Variants in RABGAP1L observed in about 807,000 individuals in gnomAD.
RABGAP1L encodes the protein RAB GTPase activating protein 1 like.
RABGAP1L carries 63 observed loss-of-function variants against 137.7 expected under a neutral mutation model. The ratio of observed to expected loss-of-function variants is 0.46; its 90% CI spans 0.37 to 0.56. The LOEUF (loss-of-function observed/expected upper bound fraction) is 0.56, where lower values mean the gene tolerates loss of function less well. Among genes scored for constraint, RABGAP1L ranks in the 20% least tolerant of loss-of-function variants. The pLI, the probability that RABGAP1L is intolerant of heterozygous loss-of-function variation, is 0.00. For synonymous variants in RABGAP1L, 431 were observed against 433.7 expected, an observed-to-expected ratio of 0.99 and a Z score of 0.08; for missense variants, 1,095 against 1,244.0, an observed-to-expected ratio of 0.88 and a Z score of 1.80.
chr1:174,890,079 A>T (rs1161200781), intron 19 of RABGAP1L, among the ~76,000 whole-genome samples: 3 of 152,202 alleles, frequency 2.0e-5, no homozygotes, highest in Non-Finnish European at 4.4e-5. Context: ...CGAACAAAAA[A>T]ATGCAGTGAT....
chr1:174,617,721 CAT>C (rs1264458242), intron 13 of RABGAP1L, among the ~76,000 whole-genome samples: 1 of 152,146 alleles, frequency 6.6e-6, no homozygotes, highest in Non-Finnish European at 1.5e-5. Context: ...ATTTTTAAAA[CAT>C]ATACATTACC....
chr1:174,947,521 G>A (rs1402837137), intron 19 of RABGAP1L, among the ~76,000 whole-genome samples: 4 of 152,022 alleles, frequency 2.6e-5, no homozygotes, highest in African/African-American at 7.2e-5. Flanking sequence ...GGGTTCAAGC[G>A]ATTCTCCTGC....
At chr1:174,758,792 G>A (rs976908333) in intron 18 of RABGAP1L, among the ~76,000 whole-genome samples, 6 of 151,994 alleles carry the variant, frequency 3.9e-5, no homozygotes, top group African/African-American at 1.2e-4. Context: ...ATGTTTCACA[G>A]GCACATCAAA....
chr1:174,693,290 T>TG (rs1259683914), intron 15 of RABGAP1L, among the ~76,000 whole-genome samples: 2 of 152,248 alleles, frequency 1.3e-5, no homozygotes, highest in African/African-American at 4.8e-5. Context: ...ATATCAGTGC[T>TG]GTGCTACAGC....
intron 19 of RABGAP1L, among the ~76,000 whole-genome samples, chr1:174,847,756 T>G (rs1647293060): frequency 9.3e-6 from 1 of 108,000 alleles, no homozygotes; most frequent in Non-Finnish European, 1.8e-5. Context: ...CTGTATTTCC[T>G]GAGTCTGAAC....
chr1:174,219,506 A>C (rs1003537627), intron 2 of RABGAP1L, among the ~76,000 whole-genome samples: 1 of 152,050 alleles, frequency 6.6e-6, no homozygotes, highest in Admixed American at 6.6e-5. Flanking sequence ...TTTAGGGGGA[A>C]GAATAAAAGA....
intron 15 of RABGAP1L, among the ~76,000 whole-genome samples, chr1:174,685,547 C>T (rs562068620): frequency 2.6e-4 from 26 of 100,822 alleles, no homozygotes; most frequent in East Asian, 2.4e-3. Flanking sequence ...GCCACCGCGC[C>T]GGCCTTTATT....
intron 19 of RABGAP1L, among the ~76,000 whole-genome samples, chr1:174,924,312 G>T (rs939551865): frequency 1.4e-5 from 2 of 147,654 alleles, no homozygotes; most frequent in African/African-American, 2.5e-5. Context: ...TCTTGAACCC[G>T]GGAGGCAGAG....
chr1:174,614,513 T>G (rs1347614467), intron 13 of RABGAP1L, among the ~76,000 whole-genome samples: 1 of 152,164 alleles, frequency 6.6e-6, no homozygotes, highest in Non-Finnish European at 1.5e-5. Context: ...CCTTAACATT[T>G]TTTCCTTCAT....
intron 17 of RABGAP1L, among the ~76,000 whole-genome samples, chr1:174,746,356 G>A (rs1012738965): frequency 7.2e-5 from 11 of 152,306 alleles, no homozygotes; most frequent in African/African-American, 7.2e-5. Flanking sequence ...AAGCTACTTC[G>A]TCATGCATGC....
At chr1:174,913,669 A>G (rs2149204229) in intron 19 of RABGAP1L, among the ~76,000 whole-genome samples, 1 of 152,348 alleles carries the variant, frequency 6.6e-6, no homozygotes, top group African/African-American at 2.4e-5. Context: ...TAGCAAGTAA[A>G]TAAATACTTA....
intron 11 of RABGAP1L, among the ~76,000 whole-genome samples, chr1:174,370,492 A>T (rs1685025881): frequency 4.0e-5 from 5 of 126,296 alleles, no homozygotes; most frequent in South Asian, 2.4e-4. Flanking sequence ...TTTTTTACAA[A>T]TACATCTTAA....
chr1:174,447,643 C>G (rs1654913604), intron 13 of RABGAP1L, among the ~76,000 whole-genome samples: 1 of 152,148 alleles, frequency 6.6e-6, no homozygotes, highest in Admixed American at 6.5e-5. Context: ...TTTTCTCATT[C>G]TTTCCAGTTG....
intron 12 of RABGAP1L, among the ~76,000 whole-genome samples, chr1:174,384,413 T>C (rs145947691): frequency 3.3e-5 from 5 of 152,052 alleles, no homozygotes; most frequent in African/African-American, 1.2e-4. Context: ...AATTTTACTC[T>C]GTATAAATTG....
intron 13 of RABGAP1L, among the ~76,000 whole-genome samples, chr1:174,443,799 C>G (rs1654422929): frequency 6.6e-6 from 1 of 151,906 alleles, no homozygotes; most frequent in Non-Finnish European, 1.5e-5. Context: ...CTTGTATTAG[C>G]TGCATAGTTT....
intron 19 of RABGAP1L, among the ~76,000 whole-genome samples, chr1:174,861,513 A>T (rs1319904461): frequency 6.6e-6 from 1 of 152,128 alleles, no homozygotes; most frequent in African/African-American, 2.4e-5. Context: ...CATTTTTTAT[A>T]TTTGAAGATC....
At chr1:174,293,783 A>AGTGTGGTAGGCATTATGCATT (rs1676850229) in intron 10 of RABGAP1L, among the ~76,000 whole-genome samples, 1 of 152,144 alleles carries the variant, frequency 6.6e-6, no homozygotes, top group Non-Finnish European at 1.5e-5. Flanking sequence ...GAGTGCCTAC[A>AGTGTGGTAGGCATTATGCATT]GTGTGGTAGG....
At chr1:174,201,273 T>C (rs1668078539) in intron 1 of RABGAP1L, among the ~76,000 whole-genome samples, 1 of 151,498 alleles carries the variant, frequency 6.6e-6, no homozygotes, top group African/African-American at 2.4e-5. Flanking sequence ...TTTTTTTTTT[T>C]TTTTTGAGAT....
intron 19 of RABGAP1L, among the ~76,000 whole-genome samples, chr1:174,842,892 A>G (rs1454150976): frequency 6.6e-6 from 1 of 152,052 alleles, no homozygotes; most frequent in East Asian, 1.9e-4. Context: ...TTCTATTTCC[A>G]TGTTAAATCC....
Sources: allele counts gnomAD v4.1 joint callset (sites outside exome capture counted in the v4.1 genomes callset), GRCh38; gene constraint gnomAD v4.1.1; transcripts MANE v1.5; gene names NCBI Gene and HGNC (gene_info 2026-07-23, HGNC 2026-07-21).